The following TRIM4 variants were observed in gnomAD, a reference collection of about 807,000 sequenced individuals.
TRIM4 encodes the protein E3 ubiquitin-protein ligase TRIM4.
Under a neutral mutation model 33.7 loss-of-function variants are expected in TRIM4, and 29 were observed. The ratio of observed to expected loss-of-function variants is 0.86; its 90% CI spans 0.64 to 1.17. The LOEUF is 1.17. TRIM4 is among the 50% of genes most tolerant of loss of function. The pLI is 0.00. For missense variants in TRIM4, 554 were observed against 593.7 expected, an observed-to-expected ratio of 0.93 and a Z score of 0.69; for synonymous variants, 224 against 233.0, an observed-to-expected ratio of 0.96 and a Z score of 0.35.
In TRIM4 at chr7:99,900,738, AAC is replaced by A. The variant is rs1284500310; in HGVS notation, c.841+2478_841+2479del. 2.0e-5 allele frequency among the ~76,000 whole-genome samples: 3 copies of A among 152,154 alleles called. No individual in the cohort carries two copies. In the East Asian group the frequency reaches 5.8e-4, roughly 29 times the overall value. On this transcript the variant is annotated intron_variant, in intron 5 of 5. Transcript: ENST00000349062. ...TTTGCCAGTTCTAGAACTCTAGGTT[AAC>A]AGTTTTTTTCTTTCAGGACTTTAAA... is the stretch of plus-strand genomic sequence containing the variant.
At position 99,891,803 on chromosome 7, in the gene TRIM4, A is replaced by G. The variant is rs73711662; in HGVS notation, c.*360T>C. On this transcript the variant is annotated 3_prime_UTR_variant, in exon 6 of 6. Transcript: ENST00000349062. ...GAAGCTTGGCATGAAGGAAATTTCA[A>G]CAATTTCACAACGGCAACAAAAACT... 409 of 193,344 alleles carry G rather than the reference A, an allele frequency of 2.1e-3. 1 individual carries two copies. The highest frequency in any genetic ancestry group is 8.7e-3 in the African/African-American group (371 of 42,830). The allele number at this position is 193,344 out of a possible 1,614,324, so 12.0% of individuals were successfully genotyped here.
At chr7:99,894,027 A>G (rs1818957106) in intron 5 of TRIM4, among the ~76,000 whole-genome samples, 1 of 151,210 alleles carries the variant, frequency 6.6e-6, no homozygotes, top group Admixed American at 6.6e-5. Context: ...TATTAAACCA[A>G]CTATGCTCTT....
At position 99,891,826 on chromosome 7, in the gene TRIM4, ACT is replaced by A. The variant is rs746981574; in HGVS notation, c.*335_*336del. The A allele has an allele frequency of 4.7e-5, 10 of 211,906 alleles. No homozygotes were observed. Among genetic ancestry groups the A allele is most frequent in the Non-Finnish European group, 8.5e-5 (9 of 105,928 alleles). The allele number at this position is 211,906 out of a possible 1,614,324, so 13.1% of individuals were successfully genotyped here. Reference sequence around the variant, plus strand: ...CAACAATTTCACAACGGCAACAAAAACTCTGTTTCTTCTACCTTTCCACCATT... The same window carrying A: ...CAACAATTTCACAACGGCAACAAAAACTGTTTCTTCTACCTTTCCACCATT... On this transcript the variant is annotated 3_prime_UTR_variant, in exon 6 of 6. Transcript: ENST00000349062.
In TRIM4 at chr7:99,892,445, A is replaced by G; in HGVS notation, c.1143T>C (p.Arg381=). The G allele has an allele frequency of 6.2e-7, 1 of 1,614,080 alleles. No homozygotes were observed. Among genetic ancestry groups the G allele is most frequent in the South Asian group, 1.1e-5 (1 of 91,078 alleles). The change falls in exon 6 of 6, where the codon CGT becomes CGC. Residue 381 remains arginine, a synonymous_variant. Transcript: ENST00000349062. Reference sequence around the variant, plus strand: ...TGCCCACATCTGGGGACATTTTTGAACGATCAGTAATTCCCATGACGTCCT... The same window carrying G: ...TGCCCACATCTGGGGACATTTTTGAGCGATCAGTAATTCCCATGACGTCCT... ...CREDVMGITD[R]SKMSPDVGIW... is the part of the protein sequence containing the mutation.
In TRIM4 at chr7:99,892,472, C is replaced by G; in HGVS notation, c.1116G>C (p.Arg372=). The G allele has an allele frequency of 1.2e-6, 2 of 1,614,124 alleles. No homozygotes were observed. Among genetic ancestry groups the G allele is most frequent in the Non-Finnish European group, 8.5e-7 (1 of 1,180,012 alleles). The change falls in exon 6 of 6, where the codon CGG becomes CGC. Residue 372 remains arginine, a synonymous_variant. Coordinates refer to ENST00000349062, the MANE Select transcript of TRIM4 (RefSeq NM_033091.3). The part of the protein sequence containing the change: ...DSLEVAVGVC[R]EDVMGITDRS... ...GATCAGTAATTCCCATGACGTCCTC[C>G]CGACACACCCCAACAGCAACCTCCA...
At chr7:99,914,891 C>A (rs1819520105) in intron 1 of TRIM4, among the ~76,000 whole-genome samples, 2 of 151,504 alleles carry the variant, frequency 1.3e-5, no homozygotes, top group South Asian at 4.2e-4. Context: ...CTCACTGCAA[C>A]CTCCGCCTCC....
chr7:99,896,133 T>C (rs1819011612), intron 5 of TRIM4, among the ~76,000 whole-genome samples: 1 of 152,210 alleles, frequency 6.6e-6, no homozygotes, highest in Admixed American at 6.5e-5. Flanking sequence ...AATTCCACTT[T>C]ATTTCCTTTT....
At chr7:99,903,537 A>G in intron 4 of TRIM4, 39 bp downstream of exon 4, 1 of 1,613,704 alleles carries the variant, frequency 6.2e-7, no homozygotes, top group East Asian at 2.2e-5. Context: ...TATCTTTACC[A>G]TGCCACCCAG....
intron 4 of TRIM4, 130 bp from the exon 5 acceptor site, chr7:99,903,445 A>G (rs1203512273): frequency 1.4e-6 from 2 of 1,383,972 alleles, no homozygotes; most frequent in East Asian, 4.6e-5. Flanking sequence ...AACAATCAGG[A>G]GAATTTTTCC....
At chr7:99,918,621 T>C (rs906959148) in intron 1 of TRIM4, among the ~76,000 whole-genome samples, 3 of 152,012 alleles carry the variant, frequency 2.0e-5, no homozygotes, top group Admixed American at 2.0e-4. Flanking sequence ...ATATTTGGGG[T>C]AATCAGATTA....
intron 2 of TRIM4, 69 bp from the exon 3 acceptor site, chr7:99,908,881 T>G: frequency 7.2e-7 from 1 of 1,397,146 alleles, no homozygotes; most frequent in Non-Finnish European, 9.9e-7. Flanking sequence ...CTTACACAAT[T>G]CCCCAGTAAT....
intron 5 of TRIM4, chr7:99,902,217 T>C: frequency 1.3e-6 from 1 of 754,020 alleles, no homozygotes. Flanking sequence ...CCATTTTGGC[T>C]AGAAGTGAAC....
chr7:99,907,055 T>C (rs1819322695), intron 3 of TRIM4, among the ~76,000 whole-genome samples: 1 of 152,206 alleles, frequency 6.6e-6, no homozygotes, highest in African/African-American at 2.4e-5. Context: ...GGTAGGTAGA[T>C]AGATAAGTAC....
chr7:99,893,455 A>T (rs536285203), intron 5 of TRIM4, among the ~76,000 whole-genome samples: 20 of 152,294 alleles, frequency 1.3e-4, no homozygotes, highest in African/African-American at 4.3e-4. Context: ...CAGAATAATG[A>T]GGTCTCTTTT....
chr7:99,892,273 C>G lies in TRIM4; in HGVS notation c.1315G>C (p.Gly439Arg). Residue 439 changes from glycine (G) to arginine (R), a missense_variant, in exon 6 of 6, where the codon GGA becomes CGA. This residue lies in a region of TRIM4 where 290 missense variants were observed against 335.8 expected (regional missense o/e 0.86). Transcript: ENST00000349062. ...CAAGAAAAGGTGTGCAGGTGCACTC[C>G]GTCCACAGCGCTGTAGAAGGAGACA... ...GNVSFYSAVD[G>R]VHLHTFSCSS... 1 of 1,614,160 alleles carries G rather than the reference C, an allele frequency of 6.2e-7. No homozygotes were observed. Among genetic ancestry groups the G allele is most frequent in the East Asian group, 2.2e-5 (1 of 44,876 alleles).
chr7:99,919,142 C>T lies in TRIM4; in HGVS notation c.260G>A (p.Cys87Tyr), dbSNP rs1819631606. The T allele has an allele frequency of 6.6e-7, 1 of 1,507,582 alleles. No homozygotes were observed. Among genetic ancestry groups the T allele is most frequent in the Admixed American group, 2.2e-5 (1 of 46,440 alleles). The allele number at this position is 1,507,582 out of a possible 1,614,324, so 93.4% of individuals were successfully genotyped here. The change falls in exon 1 of 6, where the codon TGC becomes TAC. Residue 87 changes from cysteine to tyrosine, a missense_variant. This residue lies in a region of TRIM4 where 233 missense variants were observed against 203.1 expected (regional missense o/e 1.15). Transcript: ENST00000349062. ...RRLGPVPPGL[C>Y]GRHWEPLRLF... ...CCGCAGCGGCTCCCAGTGGCGGCCG[C>T]ACAGGCCCGGGGGCACGGGGCCCAG... is the stretch of plus-strand genomic sequence containing the variant.
chr7:99,902,134 C>G (rs1014433312), intron 5 of TRIM4: 1 of 765,306 alleles, frequency 1.3e-6, no homozygotes, highest in South Asian at 1.3e-5. Flanking sequence ...GGTTGTTTCA[C>G]ATATTGTGCC....
At chr7:99,917,985 C>A in intron 1 of TRIM4, 1 of 316,660 alleles carries the variant, frequency 3.2e-6, no homozygotes. Flanking sequence ...TTTATTCAAC[C>A]GGAGCTTCTT....
chr7:99,904,264 C>T (rs1405390592), intron 3 of TRIM4, among the ~76,000 whole-genome samples: 2 of 152,074 alleles, frequency 1.3e-5, no homozygotes, highest in African/African-American at 4.8e-5. Context: ...AAAAATACAG[C>T]TCCTCCAAAA....
Sources: gnomAD v4.1 joint callset for allele counts (sites outside exome capture counted in the v4.1 genomes callset) on GRCh38, gnomAD v4.1.1 for gene constraint, gnomAD v4.1.1 regional missense constraint, MANE v1.5 for transcripts, NCBI Gene and HGNC (gene_info 2026-07-23, HGNC 2026-07-21) for gene names.